Variants in GRAMD1C observed in about 807,000 individuals in gnomAD.
GRAMD1C encodes GRAM domain containing 1C, also known as protein Aster-C.
A neutral mutation model predicts 97.8 loss-of-function variants in GRAMD1C; 89 were observed. The ratio of observed to expected loss-of-function variants is 0.91; its 90% CI spans 0.77 to 1.09. GRAMD1C has a LOEUF of 1.09. Among genes scored for constraint, GRAMD1C ranks in the 50% least tolerant of loss-of-function variants. The pLI, the probability that GRAMD1C is intolerant of heterozygous loss-of-function variation, is 0.00. For synonymous variants in GRAMD1C, 256 were observed against 267.0 expected (o/e 0.96, Z 0.40); for missense variants, 740 against 766.4 (o/e 0.97, Z 0.41).
At chr3:113,868,723 C>A (rs1382118564) in intron 2 of GRAMD1C, among the ~76,000 whole-genome samples, 1 of 152,066 alleles carries the variant, frequency 6.6e-6, no homozygotes, top group Non-Finnish European at 1.5e-5. Context: ...AAAATGTGGC[C>A]ATTTTTAAGT....
In GRAMD1C at chr3:113,875,516, C is replaced by T. The variant is rs1934990735; in HGVS notation, c.292C>T (p.Leu98Phe). ...TTGTGCTCTTCAGAGGGACATTTTG[C>T]TTCAGGGACGACTATACCTTTCAGA... ...YACALQRDIL[L>F]QGRLYLSENW... Residue 98 changes from leucine (L) to phenylalanine (F), a missense_variant, in exon 4 of 18, where the codon CTT becomes TTT. Leu to Phe is a conservative substitution (Grantham distance 22). Coordinates refer to ENST00000358160, the MANE Select transcript of GRAMD1C (RefSeq NM_017577.5). 6 of 1,540,682 alleles carry T rather than the reference C, an allele frequency of 3.9e-6. No individual in the cohort carries two copies. The highest frequency in any genetic ancestry group is 5.4e-6 in the Non-Finnish European group (6 of 1,112,300).
intron 10 of GRAMD1C, among the ~76,000 whole-genome samples, chr3:113,928,909 T>C (rs1937318466): frequency 6.6e-6 from 1 of 152,228 alleles, no homozygotes; most frequent in African/African-American, 2.4e-5. Flanking sequence ...TGTTAGCTAC[T>C]GTAAATAATG....
At chr3:113,889,156 C>T (rs535288945) in intron 6 of GRAMD1C, among the ~76,000 whole-genome samples, 17 of 151,938 alleles carry the variant, frequency 1.1e-4, no homozygotes, top group South Asian at 6.2e-4. Context: ...GCCGAAATCG[C>T]GCTATTGCAC....
chr3:113,887,132 C>T (rs1167666907), intron 6 of GRAMD1C, among the ~76,000 whole-genome samples: 12 of 125,762 alleles, frequency 9.5e-5, no homozygotes, highest in Admixed American at 8.8e-4. Context: ...CTCACTCTGT[C>T]GCCCAGGCTG....
chr3:113,946,676 A>G lies in GRAMD1C; in HGVS notation c.*1198A>G, dbSNP rs1490357952. On this transcript the variant is annotated 3_prime_UTR_variant, in exon 18 of 18. Transcript: ENST00000358160. ...AAAATACATATCCATCTATCTATCT[A>G]TATATAAACTGTGTATACATTCTTA... 3 of 152,202 alleles carry G rather than the reference A, an allele frequency of 2.0e-5. No homozygotes were observed. The highest frequency in any genetic ancestry group is 4.4e-5 in the Non-Finnish European group (3 of 68,038). 9.4% of individuals were successfully genotyped at this position (152,202 alleles called of 1,614,324 possible).
At chr3:113,888,663 G>GA (rs1415305249) in intron 6 of GRAMD1C, among the ~76,000 whole-genome samples, 1 of 152,076 alleles carries the variant, frequency 6.6e-6, no homozygotes, top group Non-Finnish European at 1.5e-5. Context: ...CAGTAAAGCT[G>GA]AAAAAAAATT....
At chr3:113,942,642 T>C (rs1937860391) in intron 17 of GRAMD1C, among the ~76,000 whole-genome samples, 1 of 152,218 alleles carries the variant, frequency 6.6e-6, no homozygotes. Flanking sequence ...ATTCAGTACA[T>C]ACATTTTCCT....
At chr3:113,924,029 T>G (rs1413078295) in intron 10 of GRAMD1C, among the ~76,000 whole-genome samples, 1 of 152,044 alleles carries the variant, frequency 6.6e-6, no homozygotes, top group East Asian at 1.9e-4. Flanking sequence ...TTCCAGAAAT[T>G]TATCCATTTC....
At chr3:113,920,235 T>G in intron 10 of GRAMD1C, 1 of 1,013,642 alleles carries the variant, frequency 9.9e-7, no homozygotes, top group Non-Finnish European at 1.4e-6. Context: ...AAGCAACAAA[T>G]TCCTGTAACC....
chr3:113,882,837 G>A lies in GRAMD1C; in HGVS notation c.540+5G>A, dbSNP rs757025798. ...CAGAATGTATTATTAGATAAGGTAA[G>A]TGTTCATACCAGAGGCAGTTGCTTA... On this transcript the variant is annotated splice_donor_5th_base_variant and intron_variant, in intron 6 of 17. Transcript: ENST00000358160. 2.1e-6 allele frequency: 3 copies of A among 1,436,576 alleles called. No homozygotes were observed. Among genetic ancestry groups the A allele is most frequent in the Admixed American group, 1.7e-5 (1 of 59,718 alleles). 89.0% of individuals were successfully genotyped at this position (1,436,576 alleles called of 1,614,324 possible). A position where few individuals can be genotyped will look rare whatever the true frequency, so the allele number is the denominator to read the frequency against.
intron 13 of GRAMD1C, among the ~76,000 whole-genome samples, chr3:113,935,302 C>A (rs1937555601): frequency 6.6e-6 from 1 of 152,032 alleles, no homozygotes; most frequent in Non-Finnish European, 1.5e-5. Flanking sequence ...CCTGTGCTGT[C>A]TAAGCTCTGG....
At position 113,854,330 on chromosome 3, in the gene GRAMD1C, AT is replaced by A. The variant is rs200484366; in HGVS notation, c.174+9682del. On this transcript the variant is annotated intron_variant, in intron 2 of 17. Coordinates refer to ENST00000358160, the MANE Select transcript of GRAMD1C (RefSeq NM_017577.5). ...CTGGATCAGATCACTTAGGGAGAAA[AT>A]ATGGATAGAGAAGAGAAGCGGACTC... Among the ~76,000 whole-genome samples, 870 of 152,254 alleles carry A rather than the reference AT, an allele frequency of 5.7e-3. 13 individuals are homozygous for A. The highest frequency in any genetic ancestry group is 0.02 in the African/African-American group (813 of 41,546).
At chr3:113,913,397 C>G (rs561883593) in intron 9 of GRAMD1C, among the ~76,000 whole-genome samples, 1 of 127,992 alleles carries the variant, frequency 7.8e-6, no homozygotes, top group Non-Finnish European at 1.6e-5. Flanking sequence ...TGGTGGCACA[C>G]GCTTTTAATC....
intron 1 of GRAMD1C, among the ~76,000 whole-genome samples, chr3:113,839,685 A>G (rs1045487085): frequency 2.0e-5 from 3 of 152,216 alleles, no homozygotes; most frequent in Non-Finnish European, 4.4e-5. Context: ...CCAATCAGTC[A>G]CTGATTCAGT....
rs573913049 is a variant in GRAMD1C, at chr3:113,914,680, G to GT, written c.953-1009dup. Among the ~76,000 whole-genome samples, 1,271 of 145,036 alleles carry GT rather than the reference G, an allele frequency of 8.8e-3. 14 individuals carry two copies. The highest frequency in any genetic ancestry group is 0.028 in the Middle Eastern group (8 of 284). On this transcript the variant is annotated intron_variant, in intron 9 of 17. Coordinates refer to ENST00000358160, the MANE Select transcript of GRAMD1C (RefSeq NM_017577.5). ...TATTATGCCAGGCTTCTGTTCCTTG[G>GT]TTTTTTTTTTTTCTTTTCTGTTTGG...
intron 1 of GRAMD1C, among the ~76,000 whole-genome samples, chr3:113,831,951 A>G (rs1446514964): frequency 6.6e-6 from 1 of 152,116 alleles, no homozygotes; most frequent in Non-Finnish European, 1.5e-5. Flanking sequence ...TTTTCTCTGT[A>G]TATGGGTCAA....
chr3:113,878,062 G>C (rs1488517841), intron 5 of GRAMD1C, among the ~76,000 whole-genome samples: 2 of 152,184 alleles, frequency 1.3e-5, no homozygotes, highest in Non-Finnish European at 2.9e-5. Flanking sequence ...TTACAAGTGT[G>C]AGCCACTGCG....
chr3:113,927,719 A>G (rs1345238596), intron 10 of GRAMD1C, among the ~76,000 whole-genome samples: 1 of 152,100 alleles, frequency 6.6e-6, no homozygotes, highest in African/African-American at 2.4e-5. Context: ...GGAGTCACCT[A>G]CCCTGCTGTC....
At chr3:113,911,220 G>A (rs1469957079) in intron 9 of GRAMD1C, among the ~76,000 whole-genome samples, 1 of 151,382 alleles carries the variant, frequency 6.6e-6, no homozygotes, top group Non-Finnish European at 1.5e-5. Flanking sequence ...GCATACATGA[G>A]CAAACTCTCT....
Sources: gnomAD v4.1 joint callset for allele counts (sites outside exome capture counted in the v4.1 genomes callset) on GRCh38, gnomAD v4.1.1 for gene constraint, MANE v1.5 for transcripts, NCBI Gene and HGNC (gene_info 2026-07-23, HGNC 2026-07-21) for gene names.